NUMB: variants seen among roughly 807,000 people sequenced by gnomAD.
The protein encoded by NUMB is NUMB endocytic adaptor protein.
Under a neutral mutation model 59.7 loss-of-function variants are expected in NUMB, and 29 were observed. That is an observed-to-expected ratio of 0.49 (90% CI 0.36 to 0.66). The LOEUF (loss-of-function observed/expected upper bound fraction) is 0.66. NUMB is among the 30% of genes least tolerant of loss of function. NUMB has a pLI of 0.00. For synonymous variants in NUMB, 288 were observed against 288.2 expected (o/e 1.00, Z 0.01); for missense variants, 723 against 822.0 (o/e 0.88, Z 1.47).
intron 4 of NUMB, among the ~76,000 whole-genome samples, chr14:73,339,251 G>A (rs1892507193): frequency 6.6e-6 from 1 of 152,188 alleles, no homozygotes; most frequent in Non-Finnish European, 1.5e-5. Context: ...TGTTTGTAGT[G>A]AAAATGTAGG....
chr14:73,428,360 A>G (rs1029551614), intron 1 of NUMB, among the ~76,000 whole-genome samples: 1 of 152,180 alleles, frequency 6.6e-6, no homozygotes, highest in Non-Finnish European at 1.5e-5. Context: ...TTCTGACATC[A>G]TAAAATTCTA....
chr14:73,422,982 C>A (rs188084038), intron 1 of NUMB, among the ~76,000 whole-genome samples: 1 of 151,272 alleles, frequency 6.6e-6, no homozygotes, highest in Admixed American at 6.6e-5. Context: ...AAATTTAATC[C>A]TTATAACTGA....
At chr14:73,326,345 G>A (rs1891659625) in intron 4 of NUMB, among the ~76,000 whole-genome samples, 1 of 152,086 alleles carries the variant, frequency 6.6e-6, no homozygotes, top group Non-Finnish European at 1.5e-5. Flanking sequence ...CTAAACTGAT[G>A]GCCGGTCGCG....
chr14:73,425,220 A>T (rs1242167528), intron 1 of NUMB, among the ~76,000 whole-genome samples: 1 of 152,220 alleles, frequency 6.6e-6, no homozygotes, highest in Middle Eastern at 3.2e-3. Context: ...AGCTTAAAGG[A>T]GTATCAATTA....
At chr14:73,400,729 T>C (rs1424597281) in intron 2 of NUMB, among the ~76,000 whole-genome samples, 6 of 152,178 alleles carry the variant, frequency 3.9e-5, no homozygotes, top group Admixed American at 2.6e-4. Flanking sequence ...ATCATGCCTA[T>C]GTAATGAGGC....
Position 73,365,043 on chromosome 14 carries a change from T to C in NUMB, c.-16+1854A>G, listed in dbSNP as rs77809436. On this transcript the variant is annotated intron_variant, in intron 3 of 12. Transcript: ENST00000555238. ...TTCACAATAGTAACAAGAAATAAGG[T>C]CTCTTCTTTTTTCTTTAAGACAATC... Among the ~76,000 whole-genome samples the C allele has an allele frequency of 6.9e-3, 1,047 of 151,742 alleles. 5 individuals carry two copies. The highest frequency in any genetic ancestry group is 0.03 in the South Asian group (144 of 4,810).
intron 1 of NUMB, among the ~76,000 whole-genome samples, chr14:73,449,571 A>C (rs922240477): frequency 2.0e-5 from 3 of 152,212 alleles, no homozygotes; most frequent in Admixed American, 1.3e-4. Flanking sequence ...TATGATAGAT[A>C]AACAGCCTGT....
intron 6 of NUMB, among the ~76,000 whole-genome samples, chr14:73,313,306 C>A (rs1020784774): frequency 1.3e-5 from 2 of 150,810 alleles, no homozygotes; most frequent in African/African-American, 4.9e-5. Context: ...TTTTTGAAAG[C>A]GAAATACTTA....
chr14:73,384,443 T>C (rs760032788), intron 2 of NUMB, among the ~76,000 whole-genome samples: 13 of 151,984 alleles, frequency 8.6e-5, no homozygotes, highest in African/African-American at 1.7e-4. Context: ...TCATTACCAA[T>C]AGACTTACAC....
At chr14:73,316,346 T>C (rs757816553) in intron 6 of NUMB, 44 bp downstream of exon 6, 1 of 1,568,354 alleles carries the variant, frequency 6.4e-7, no homozygotes, top group Non-Finnish European at 8.8e-7. Context: ...ACACTAGGGG[T>C]GTAACTCCTT....
chr14:73,387,825 A>G (rs1566774471), intron 2 of NUMB, among the ~76,000 whole-genome samples: 1 of 151,852 alleles, frequency 6.6e-6, no homozygotes, highest in Non-Finnish European at 1.5e-5. Context: ...ATTAAAATGG[A>G]ATAACATTAA....
chr14:73,440,350 G>A (rs1191535368), intron 1 of NUMB, among the ~76,000 whole-genome samples: 3 of 150,264 alleles, frequency 2.0e-5, no homozygotes, highest in African/African-American at 7.4e-5. Flanking sequence ...CCCCCACACT[G>A]TACACAAAAA....
chr14:73,311,926 G>A (rs1462886145), intron 6 of NUMB, among the ~76,000 whole-genome samples: 1 of 152,160 alleles, frequency 6.6e-6, no homozygotes, highest in Non-Finnish European at 1.5e-5. Context: ...CAACTTGAAA[G>A]ATTCAAAAGA....
intron 1 of NUMB, among the ~76,000 whole-genome samples, chr14:73,416,759 T>C (rs977994383): frequency 2.6e-5 from 4 of 152,204 alleles, no homozygotes; most frequent in Admixed American, 1.3e-4. Flanking sequence ...TGAGAATCAC[T>C]TGAACCTGGG....
chr14:73,280,250 A>G (rs971908721), intron 11 of NUMB, among the ~76,000 whole-genome samples: 1 of 152,230 alleles, frequency 6.6e-6, no homozygotes, highest in Admixed American at 6.5e-5. Context: ...AATATTTTAC[A>G]TGCATCATTT....
In NUMB at chr14:73,434,982, A is replaced by G. The variant is rs187805376; in HGVS notation, c.-233+23511T>C. On this transcript the variant is annotated intron_variant, in intron 1 of 12. Coordinates refer to ENST00000555238, the MANE Select transcript of NUMB (RefSeq NM_001005743.2). ...TAAATCTGGATCCATAAGTAGTAATAAAACACACAATCTTTTACTAAGATA... is the reference window on the plus strand; with the variant it reads ...TAAATCTGGATCCATAAGTAGTAATGAAACACACAATCTTTTACTAAGATA... Among the ~76,000 whole-genome samples, 6 of 152,328 alleles carry G rather than the reference A, an allele frequency of 3.9e-5. No individual in the cohort carries two copies. The East Asian group carries it at 1.2e-3, about 29-fold the overall frequency.
At chr14:73,420,572 C>A (rs1246926223) in intron 1 of NUMB, among the ~76,000 whole-genome samples, 2 of 152,154 alleles carry the variant, frequency 1.3e-5, no homozygotes, top group Non-Finnish European at 2.9e-5. Flanking sequence ...GTAATCCCAG[C>A]ACTTTGGGAT....
chr14:73,361,984 C>T (rs1053692177), intron 3 of NUMB, among the ~76,000 whole-genome samples: 4 of 152,098 alleles, frequency 2.6e-5, no homozygotes, highest in Non-Finnish European at 4.4e-5. Context: ...AGGCCAGGTG[C>T]GCTGGCTCAC....
At chr14:73,363,168 G>A (rs926098685) in intron 3 of NUMB, among the ~76,000 whole-genome samples, 1 of 152,010 alleles carries the variant, frequency 6.6e-6, no homozygotes, top group African/African-American at 2.4e-5. Flanking sequence ...ACATTGGTAT[G>A]TGCCTGTAGT....
Sources: allele counts gnomAD v4.1 joint callset (sites outside exome capture counted in the v4.1 genomes callset), GRCh38; gene constraint gnomAD v4.1.1; transcripts MANE v1.5; gene names NCBI Gene and HGNC (gene_info 2026-07-23, HGNC 2026-07-21).